Variants in GALNT17 observed in about 807,000 individuals in gnomAD.
The protein encoded by GALNT17 is UDP-GalNAc:polypeptide N-acetylgalactosaminyltransferase-like 3.
GALNT17 carries 29 observed loss-of-function variants against 63.7 expected under a neutral mutation model. The ratio of observed to expected loss-of-function variants is 0.46; its 90% CI spans 0.34 to 0.62. GALNT17 has a LOEUF of 0.62. GALNT17 is among the 20% of genes least tolerant of loss of function. GALNT17 has a pLI of 0.01. For synonymous variants in GALNT17, 305 were observed against 318.3 expected (o/e 0.96, Z 0.45); for missense variants, 603 against 799.6 (o/e 0.75, Z 2.97).
At chr7:71,576,121 C>T (rs1584063002) in intron 6 of GALNT17, among the ~76,000 whole-genome samples, 1 of 152,082 alleles carries the variant, frequency 6.6e-6, no homozygotes, top group Non-Finnish European at 1.5e-5. Context: ...AGTCCATTTA[C>T]GAAGAAAAGG....
In GALNT17 at chr7:71,556,870, T is replaced by C. The variant is rs571874084; in HGVS notation, c.963-14415T>C. 2.0e-5 allele frequency among the ~76,000 whole-genome samples: 3 copies of C among 152,120 alleles called. No homozygotes were observed. The South Asian group carries it at 6.2e-4, about 32-fold the overall frequency. On this transcript the variant is annotated intron_variant, in intron 5 of 10. Coordinates refer to ENST00000333538, the MANE Select transcript of GALNT17 (RefSeq NM_022479.3). ...CATAAGCCACTGCGCCTGGCCCCCT[T>C]GACATAATCTTATTTTGCTCTTTGT...
intron 5 of GALNT17, among the ~76,000 whole-genome samples, chr7:71,470,775 A>G (rs1372256804): frequency 6.6e-6 from 1 of 152,148 alleles, no homozygotes; most frequent in Non-Finnish European, 1.5e-5. Context: ...GCATATGAAT[A>G]ATATTTTGAA....
chr7:71,440,315 T>A (rs1787042252), intron 5 of GALNT17, among the ~76,000 whole-genome samples: 1 of 151,640 alleles, frequency 6.6e-6, no homozygotes. Context: ...TCTTCCTTGC[T>A]CCCCCACGAC....
chr7:71,625,711 A>T (rs1790364117), intron 6 of GALNT17, among the ~76,000 whole-genome samples: 1 of 152,032 alleles, frequency 6.6e-6, no homozygotes, highest in South Asian at 2.1e-4. Flanking sequence ...GAAACACATG[A>T]CTTCAGCAGT....
intron 1 of GALNT17, among the ~76,000 whole-genome samples, chr7:71,272,403 C>T (rs888524039): frequency 6.6e-6 from 1 of 152,182 alleles, no homozygotes; most frequent in Admixed American, 6.5e-5. Flanking sequence ...AAAACGCCAG[C>T]CTGTTTTCCA....
intron 3 of GALNT17, among the ~76,000 whole-genome samples, chr7:71,394,976 C>A (rs1476236590): frequency 6.6e-6 from 1 of 151,968 alleles, no homozygotes; most frequent in African/African-American, 2.4e-5. Flanking sequence ...GTGGCACGTG[C>A]CTGTAGTCTG....
intron 6 of GALNT17, among the ~76,000 whole-genome samples, chr7:71,578,760 T>C (rs1789580064): frequency 6.6e-6 from 1 of 152,192 alleles, no homozygotes; most frequent in South Asian, 2.1e-4. Context: ...TTTGCTTCCC[T>C]CTTGTCTACA....
intron 5 of GALNT17, among the ~76,000 whole-genome samples, chr7:71,435,802 G>A (rs991970567): frequency 3.3e-5 from 5 of 152,056 alleles, no homozygotes; most frequent in African/African-American, 7.2e-5. Flanking sequence ...GGTGGATCAT[G>A]GGGTCAGGAG....
intron 2 of GALNT17, among the ~76,000 whole-genome samples, chr7:71,345,667 A>C (rs1348495921): frequency 6.6e-6 from 1 of 152,124 alleles, no homozygotes; most frequent in African/African-American, 2.4e-5. Context: ...GTCTGTGTGC[A>C]TGTGACTCGT....
chr7:71,136,227 T>G (rs1787782072), intron 1 of GALNT17, among the ~76,000 whole-genome samples: 1 of 152,088 alleles, frequency 6.6e-6, no homozygotes, highest in Non-Finnish European at 1.5e-5. Context: ...AGACACGTGC[T>G]CTCTTGCTCT....
chr7:71,301,939 A>T (rs1922525), intron 1 of GALNT17, among the ~76,000 whole-genome samples: 54,729 of 151,994 alleles, frequency 0.36, 10,007 homozygotes, highest in East Asian at 0.5. Context: ...TTGAGAAAAT[A>T]GTGTAAGTAG....
chr7:71,473,569 T>A (rs1339514599), intron 5 of GALNT17, among the ~76,000 whole-genome samples: 1 of 152,194 alleles, frequency 6.6e-6, no homozygotes, highest in African/African-American at 2.4e-5. Flanking sequence ...TCTATTTTAA[T>A]GTTAATGCTG....
intron 1 of GALNT17, among the ~76,000 whole-genome samples, chr7:71,159,868 A>G (rs1585847234): frequency 6.7e-6 from 1 of 150,058 alleles, no homozygotes; most frequent in African/African-American, 2.5e-5. Flanking sequence ...TGCAACCTCC[A>G]CTTTCTGGGT....
At chr7:71,442,392 GGTTTCACCGT>G (rs1205479938) in intron 5 of GALNT17, among the ~76,000 whole-genome samples, 6 of 151,984 alleles carry the variant, frequency 3.9e-5, no homozygotes, top group Non-Finnish European at 7.4e-5. Flanking sequence ...GTAGAGATGG[GGTTTCACCGT>G]GTTAGCCAGG....
At chr7:71,395,450 T>C (rs1041861451) in intron 3 of GALNT17, among the ~76,000 whole-genome samples, 1 of 152,234 alleles carries the variant, frequency 6.6e-6, no homozygotes, top group Admixed American at 6.5e-5. Context: ...ATTCTGAGTA[T>C]AGATACAGCA....
intron 6 of GALNT17, among the ~76,000 whole-genome samples, chr7:71,585,303 C>T (rs1789698518): frequency 6.6e-6 from 1 of 152,152 alleles, no homozygotes; most frequent in South Asian, 2.1e-4. Flanking sequence ...ATAAAGCTCC[C>T]CATCAATCTT....
At chr7:71,229,374 C>T (rs769300039) in intron 1 of GALNT17, among the ~76,000 whole-genome samples, 9 of 152,238 alleles carry the variant, frequency 5.9e-5, no homozygotes, top group South Asian at 2.1e-4. Flanking sequence ...GTGGCTTTAG[C>T]GGGGACGGTG....
intron 6 of GALNT17, among the ~76,000 whole-genome samples, chr7:71,642,855 T>C (rs1790623211): frequency 6.6e-6 from 1 of 151,948 alleles, no homozygotes; most frequent in African/African-American, 2.4e-5. Flanking sequence ...ATGAACCTCT[T>C]CTAGATTCTC....
intron 9 of GALNT17, among the ~76,000 whole-genome samples, chr7:71,679,569 A>T (rs2117071473): frequency 6.6e-6 from 1 of 152,216 alleles, no homozygotes; most frequent in Non-Finnish European, 1.5e-5. Flanking sequence ...AGAGGCAAGA[A>T]ATCTACAGTA....
Sources: allele counts gnomAD v4.1 joint callset (sites outside exome capture counted in the v4.1 genomes callset), GRCh38; gene constraint gnomAD v4.1.1; transcripts MANE v1.5; gene names NCBI Gene and HGNC (gene_info 2026-07-23, HGNC 2026-07-21).